DPYSL2: variants seen among roughly 807,000 people sequenced by gnomAD.
DPYSL2 encodes the protein dihydropyrimidinase-related protein 2.
In DPYSL2, 13 loss-of-function variants were observed where a neutral mutation model predicts 69.9. The observed-to-expected ratio is 0.19, with a 90% confidence interval of 0.12 to 0.30. The LOEUF (loss-of-function observed/expected upper bound fraction) is 0.30. Ranked by LOEUF, DPYSL2 falls within the 10% of genes least tolerant of loss-of-function variation. The pLI, the probability that DPYSL2 is intolerant of heterozygous loss-of-function variation, is 1.00. For missense variants in DPYSL2, 587 were observed against 918.9 expected (o/e 0.64, Z 4.67); for synonymous variants, 326 against 359.1 (o/e 0.91, Z 1.04).
chr8:26,559,180 C>T (rs962259323), intron 1 of DPYSL2, among the ~76,000 whole-genome samples: 1 of 152,108 alleles, frequency 6.6e-6, no homozygotes, highest in Admixed American at 6.5e-5. Context: ...TGAGCTCAGG[C>T]AACCCACTCG....
chr8:26,514,048 C>T lies in DPYSL2; in HGVS notation c.-278C>T, dbSNP rs1383223860. 1.0e-5 allele frequency: 3 copies of T among 297,398 alleles called. No homozygotes were observed. The allele number at this position is 297,398 out of a possible 1,614,324, so 18.4% of individuals were successfully genotyped here. On this transcript the variant is annotated 5_prime_UTR_variant, in exon 1 of 14. Transcript: ENST00000521913. This position sits in a 1 kb window ranked among gnomAD's most constrained non-coding sequence, Gnocchi z 8.4. ...CTGGCAGCCTTTCGGCTCCCGCAGCCGCAGCGGACGCCCTCCCAGATCCAA... is the reference window on the plus strand; with the variant it reads ...CTGGCAGCCTTTCGGCTCCCGCAGCTGCAGCGGACGCCCTCCCAGATCCAA...
intron 11 of DPYSL2, among the ~76,000 whole-genome samples, chr8:26,651,061 A>C (rs562903979): frequency 6.6e-6 from 1 of 152,244 alleles, no homozygotes; most frequent in East Asian, 1.9e-4. Flanking sequence ...GAATTGATGA[A>C]AGACAATTTT....
At position 26,626,811 on chromosome 8, in the gene DPYSL2, G is replaced by T. The variant is rs1423576439; in HGVS notation, c.855+133G>T. On this transcript the variant is annotated intron_variant, in intron 5 of 13. Coordinates refer to ENST00000521913, the MANE Select transcript of DPYSL2 (RefSeq NM_001197293.3). This position sits in a 1 kb window ranked among gnomAD's most constrained non-coding sequence, Gnocchi z 4.3. ...GAAGTGGCTGGTGGATGCAGTTACT[G>T]ATGTAACTGAGCCTTGGAAGAGAGT... 3.3e-6 allele frequency: 3 copies of T among 901,756 alleles called. No homozygotes were observed. In the African/African-American group the frequency reaches 5.0e-5, roughly 15 times the overall value. 55.9% of individuals were successfully genotyped at this position (901,756 alleles called of 1,614,324 possible).
intron 1 of DPYSL2, chr8:26,578,129 C>T: frequency 7.7e-6 from 12 of 1,558,560 alleles, no homozygotes; most frequent in Non-Finnish European, 9.5e-6. Flanking sequence ...ACCAGCGAAG[C>T]GGTTGCACCC....
At chr8:26,567,621 G>A (rs938229950) in intron 1 of DPYSL2, among the ~76,000 whole-genome samples, 1 of 152,278 alleles carries the variant, frequency 6.6e-6, no homozygotes, top group Non-Finnish European at 1.5e-5. Flanking sequence ...GGGGGCATAA[G>A]AGAAGGAGTG....
At chr8:26,568,060 C>G (rs1801181103) in intron 1 of DPYSL2, among the ~76,000 whole-genome samples, 1 of 152,300 alleles carries the variant, frequency 6.6e-6, no homozygotes, top group East Asian at 1.9e-4. Flanking sequence ...TAGTTTAAAG[C>G]CCACAAATGA....
chr8:26,629,344 A>G (rs564588961), intron 7 of DPYSL2, among the ~76,000 whole-genome samples: 107 of 143,862 alleles, frequency 7.4e-4, no homozygotes, highest in African/African-American at 2.6e-3. Context: ...ACACAGACAC[A>G]TACAGACACA....
rs1165461293 is a variant in DPYSL2, at chr8:26,640,390, G to T, written c.1127-3049G>T. 1.3e-5 allele frequency among the ~76,000 whole-genome samples: 2 copies of T among 152,214 alleles called. No individual in the cohort carries two copies. The highest frequency in any genetic ancestry group is 1.3e-4 in the Admixed American group (2 of 15,280). ...TCTAACGGGCACCCAGATAGCATCA[G>T]CAGTGTATTTAGAGAAGTGCAGAAG... On this transcript the variant is annotated intron_variant, in intron 8 of 13. Transcript: ENST00000521913. This position sits in a 1 kb window ranked among gnomAD's most constrained non-coding sequence, Gnocchi z 4.2.
chr8:26,657,952 G>A lies in DPYSL2; in HGVS notation c.*2246G>A, dbSNP rs575169296. The A allele has an allele frequency of 6.6e-6, 1 of 152,614 alleles. No individual in the cohort carries two copies. Among genetic ancestry groups the A allele is most frequent in the Non-Finnish European group, 1.5e-5 (1 of 68,046 alleles). The allele number at this position is 152,614 out of a possible 1,614,324, so 9.5% of individuals were successfully genotyped here. A position where few individuals can be genotyped will look rare whatever the true frequency, so the allele number is the denominator to read the frequency against. ...TAAAACAGTGTAGGATTTAAGAATA[G>A]ATGGTTTTTAATCCTGGAAATTGTG... On this transcript the variant is annotated 3_prime_UTR_variant, in exon 14 of 14. Transcript: ENST00000521913.
rs1435975295 is a variant in DPYSL2 at position 26,610,944 on chromosome 8, C to T, written c.629-13199C>T. 6.6e-6 allele frequency among the ~76,000 whole-genome samples: 1 copy of T among 152,098 alleles called. No individual in the cohort carries two copies. The highest frequency in any genetic ancestry group is 2.4e-5 in the African/African-American group (1 of 41,404). ...TGAGGCCCTGACAGGGTAAGGAGTC[C>T]TAAGGTTCTGTAGCTAGCCATGGTA... is the stretch of plus-strand genomic sequence containing the variant. On this transcript the variant is annotated intron_variant, in intron 3 of 13. Transcript: ENST00000521913. The surrounding 1 kb of genome is among the most constrained non-coding windows in gnomAD (Gnocchi z 4.5).
chr8:26,579,235 A>G (rs184160158), intron 1 of DPYSL2, among the ~76,000 whole-genome samples: 5 of 152,356 alleles, frequency 3.3e-5, no homozygotes, highest in Admixed American at 3.3e-4. Context: ...TTGGTTTGCA[A>G]ACCACGGGGA....
At chr8:26,553,688 CA>C (rs1347297718) in intron 1 of DPYSL2, among the ~76,000 whole-genome samples, 5 of 152,124 alleles carry the variant, frequency 3.3e-5, no homozygotes, top group Non-Finnish European at 7.4e-5. Flanking sequence ...CGAATATACA[CA>C]TGCATGTGTC....
intron 1 of DPYSL2, among the ~76,000 whole-genome samples, chr8:26,579,650 G>C (rs1289680139): frequency 6.6e-6 from 1 of 152,178 alleles, no homozygotes; most frequent in East Asian, 1.9e-4. Context: ...TAGGGGAGGG[G>C]GCGTGTGCTC....
rs747576408 is a variant in DPYSL2 at position 26,578,555 on chromosome 8, A to G, written c.355-3414A>G. 8.4e-5 allele frequency: 116 copies of G among 1,381,286 alleles called. 1 individual carries two copies. The highest frequency in any genetic ancestry group is 3.2e-4 in the African/African-American group (22 of 68,390). The allele number at this position is 1,381,286 out of a possible 1,614,324, so 85.6% of individuals were successfully genotyped here. A position where few individuals can be genotyped will look rare whatever the true frequency, so the allele number is the denominator to read the frequency against. Reference sequence around the variant, plus strand: ...TTAGGTAACGCGCCAGACCCGGTCTATCTTTTATTGTCAGTGAGAGATGCT... The same window carrying G: ...TTAGGTAACGCGCCAGACCCGGTCTGTCTTTTATTGTCAGTGAGAGATGCT... On this transcript the variant is annotated intron_variant, in intron 1 of 13. Coordinates refer to ENST00000521913, the MANE Select transcript of DPYSL2 (RefSeq NM_001197293.3).
At chr8:26,649,646 G>A (rs1803243327) in intron 11 of DPYSL2, among the ~76,000 whole-genome samples, 2 of 152,218 alleles carry the variant, frequency 1.3e-5, no homozygotes, top group Admixed American at 1.3e-4. Flanking sequence ...TCCCTGCATA[G>A]TACAGTGTTT....
chr8:26,620,563 A>G lies in DPYSL2; in HGVS notation c.629-3580A>G, dbSNP rs1802458120. On this transcript the variant is annotated intron_variant, in intron 3 of 13. Transcript: ENST00000521913. The surrounding 1 kb of genome is among the most constrained non-coding windows in gnomAD (Gnocchi z 4.5). ...ATTTAGTACTGATTGAGATGAATGG[A>G]GCAAAATAGCCCAGGAACAGAACCT... Among the ~76,000 whole-genome samples, 1 of 152,190 alleles carries G rather than the reference A, an allele frequency of 6.6e-6. No individual in the cohort carries two copies. Among genetic ancestry groups the G allele is most frequent in the African/African-American group, 2.4e-5 (1 of 41,438 alleles).
At chr8:26,581,306 G>T (rs112313702) in intron 1 of DPYSL2, among the ~76,000 whole-genome samples, 2 of 151,182 alleles carry the variant, frequency 1.3e-5, no homozygotes, top group African/African-American at 4.9e-5. Flanking sequence ...TATGTAGGTG[G>T]TTTTTTTTGT....
rs1402271860 is a variant in DPYSL2 at position 26,655,666 on chromosome 8, C to T, written c.1994C>T (p.Ala665Val). The change falls in exon 14 of 14, where the codon GCG (alanine) becomes GTG (valine). Residue 665 changes from alanine (A) to valine (V), a missense_variant. Transcript: ENST00000521913. ...IPRRTTQRIV[A>V]PPGGRANITS... ...CGCCGCACCACCCAGCGTATCGTGGCGCCCCCCGGTGGCCGTGCCAACATC... is the reference window on the plus strand; with the variant it reads ...CGCCGCACCACCCAGCGTATCGTGGTGCCCCCCGGTGGCCGTGCCAACATC... The T allele has an allele frequency of 6.2e-7, 1 of 1,609,560 alleles. No homozygotes were observed. The highest frequency in any genetic ancestry group is 8.5e-7 in the Non-Finnish European group (1 of 1,179,324).
At chr8:26,596,901 A>G (rs1350049879) in intron 3 of DPYSL2, among the ~76,000 whole-genome samples, 6 of 152,194 alleles carry the variant, frequency 3.9e-5, no homozygotes, top group Admixed American at 6.5e-5. Context: ...CTTTACAACA[A>G]TCCCAGACAC....
Sources: gnomAD v4.1 joint callset for allele counts (sites outside exome capture counted in the v4.1 genomes callset) on GRCh38, gnomAD v4.1.1 for gene constraint, Gnocchi (gnomAD v3.1) non-coding constraint, MANE v1.5 for transcripts, NCBI Gene and HGNC (gene_info 2026-07-23, HGNC 2026-07-21) for gene names.